The following PRDM16 variants were observed in gnomAD, a reference collection of about 807,000 sequenced individuals.
The protein encoded by PRDM16 is histone-lysine N-methyltransferase PRDM16.
In PRDM16, 23 loss-of-function variants were observed where a neutral mutation model predicts 110.6. The ratio of observed to expected loss-of-function variants is 0.21; its 90% CI spans 0.15 to 0.29. The LOEUF is 0.29. PRDM16 is among the 10% of genes least tolerant of loss of function. PRDM16 has a pLI of 1.00. For synonymous variants in PRDM16, 799 were observed against 781.8 expected, an observed-to-expected ratio of 1.02 and a Z score of -0.37; for missense variants, 1,615 against 1,794.3, an observed-to-expected ratio of 0.90 and a Z score of 1.81.
chr1:3,144,719 C>A (rs1875449), intron 1 of PRDM16, among the ~76,000 whole-genome samples: 54,631 of 152,206 alleles, frequency 0.36, 10,504 homozygotes, highest in East Asian at 0.44. Flanking sequence ...CCCAGCCGCC[C>A]AGCTCAGCCC....
intron 3 of PRDM16, among the ~76,000 whole-genome samples, chr1:3,330,215 C>T (rs945794551): frequency 6.6e-6 from 1 of 152,238 alleles, no homozygotes; most frequent in African/African-American, 2.4e-5. Flanking sequence ...GGGAATGAGG[C>T]TGGGTGGGCC....
intron 1 of PRDM16, among the ~76,000 whole-genome samples, chr1:3,141,920 G>C (rs942917165): frequency 6.6e-6 from 1 of 152,246 alleles, no homozygotes; most frequent in African/African-American, 2.4e-5. Flanking sequence ...CACGGTAGGG[G>C]ATTTTTACCT....
At position 3,390,580 on chromosome 1, in the gene PRDM16, C is replaced by T. The variant is rs543623368; in HGVS notation, c.573+5294C>T. ...GGCATTGTGTTAGAAGAGTGGCCGC[C>T]GGTGGCCAGGCAGCACCGCGTGGAC... On this transcript the variant is annotated intron_variant, in intron 4 of 16. Transcript: ENST00000270722. This position sits in a 1 kb window ranked among gnomAD's most constrained non-coding sequence, Gnocchi z 5.0. 1.3e-5 allele frequency among the ~76,000 whole-genome samples: 2 copies of T among 152,246 alleles called. No homozygotes were observed. The highest frequency in any genetic ancestry group is 6.5e-5 in the Admixed American group (1 of 15,306).
At chr1:3,389,654 A>G (rs1421429125) in intron 4 of PRDM16, among the ~76,000 whole-genome samples, 1 of 152,172 alleles carries the variant, frequency 6.6e-6, no homozygotes, top group Non-Finnish European at 1.5e-5. Flanking sequence ...TATTTGCACA[A>G]GGAGGCCCCA....
intron 1 of PRDM16, among the ~76,000 whole-genome samples, chr1:3,173,412 G>A (rs3795268): frequency 0.39 from 58,869 of 152,168 alleles, 13,761 homozygotes; most frequent in Non-Finnish European, 0.53. Context: ...TGCTGTCCCC[G>A]GAGCATTGCA....
chr1:3,075,950 G>A (rs185575393), intron 1 of PRDM16, among the ~76,000 whole-genome samples: 37 of 152,332 alleles, frequency 2.4e-4, no homozygotes, highest in Non-Finnish European at 3.4e-4. Context: ...TCCTGGGGGA[G>A]GAGGAGTCAC....
At chr1:3,111,272 C>T (rs943117123) in intron 1 of PRDM16, among the ~76,000 whole-genome samples, 2 of 152,040 alleles carry the variant, frequency 1.3e-5, no homozygotes, top group African/African-American at 4.8e-5. Context: ...TCCTCGGCCA[C>T]GGCCTTAGTG....
At chr1:3,356,216 C>T (rs550360602) in intron 3 of PRDM16, among the ~76,000 whole-genome samples, 3 of 152,238 alleles carry the variant, frequency 2.0e-5, no homozygotes, top group Non-Finnish European at 2.9e-5. Context: ...ACGCAGGGGG[C>T]TTGAGCAGGC....
rs1443350668 is a variant in PRDM16 at position 3,272,148 on chromosome 1, G to A, written c.438+28011G>A. 2.6e-5 allele frequency among the ~76,000 whole-genome samples: 4 copies of A among 152,332 alleles called. No homozygotes were observed. In the East Asian group the frequency reaches 5.8e-4, roughly 22 times the overall value. Reference sequence around the variant, plus strand: ...TCAAACCCCAGGGAATCTGGCTCACGGTTTCCTCCAGGGCGAATTGGCAAG... The same window carrying A: ...TCAAACCCCAGGGAATCTGGCTCACAGTTTCCTCCAGGGCGAATTGGCAAG... On this transcript the variant is annotated intron_variant, in intron 3 of 16. Coordinates refer to ENST00000270722, the MANE Select transcript of PRDM16 (RefSeq NM_022114.4).
intron 1 of PRDM16, among the ~76,000 whole-genome samples, chr1:3,075,172 C>T (rs961381665): frequency 2.0e-5 from 3 of 152,226 alleles, no homozygotes; most frequent in African/African-American, 4.8e-5. Flanking sequence ...GCTGGCCGCT[C>T]CAAGATCATA....
Position 3,265,660 on chromosome 1 carries a change from C to T in PRDM16, c.438+21523C>T, listed in dbSNP as rs1557567298. Among the ~76,000 whole-genome samples, 1 of 152,026 alleles carries T rather than the reference C, an allele frequency of 6.6e-6. No homozygotes were observed. On this transcript the variant is annotated intron_variant, in intron 3 of 16. Coordinates refer to ENST00000270722, the MANE Select transcript of PRDM16 (RefSeq NM_022114.4). The surrounding 1 kb of genome is among the most constrained non-coding windows in gnomAD (Gnocchi z 4.5). The stretch of plus-strand genomic sequence containing the variant: ...TCCTAAAATTGCAGCCAAGGCCAGC[C>T]CTCTTGCCCCGGGGCTGCCTGGGTT...
At chr1:3,279,487 C>T (rs1189945350) in intron 3 of PRDM16, among the ~76,000 whole-genome samples, 3 of 152,272 alleles carry the variant, frequency 2.0e-5, no homozygotes, top group South Asian at 2.1e-4. Context: ...ACGCCCTGCA[C>T]GCCTGCCCCT....
At chr1:3,306,183 G>A (rs761991486) in intron 3 of PRDM16, among the ~76,000 whole-genome samples, 2 of 152,216 alleles carry the variant, frequency 1.3e-5, no homozygotes, top group Non-Finnish European at 2.9e-5. Context: ...CACATGTCCT[G>A]ACAGCAAAGA....
In PRDM16 at chr1:3,348,757, G is replaced by A. The variant is rs950128570; in HGVS notation, c.439-36395G>A. On this transcript the variant is annotated intron_variant, in intron 3 of 16. Transcript: ENST00000270722. ...CTCCCCTCTGCCCTTGGGGACCGGG[G>A]CCGCAGTGAGCCTGGGGTGGGGGCC... Among the ~76,000 whole-genome samples the A allele has an allele frequency of 3.3e-5, 5 of 152,234 alleles. No homozygotes were observed. The East Asian group carries it at 5.8e-4, about 18-fold the overall frequency.
intron 2 of PRDM16, among the ~76,000 whole-genome samples, chr1:3,230,667 C>T (rs1317934473): frequency 7.2e-5 from 11 of 152,344 alleles, no homozygotes; most frequent in South Asian, 6.2e-4. Flanking sequence ...AAGGCAGCTC[C>T]GACGCGGCCC....
In PRDM16 at chr1:3,122,495, C is replaced by T. The variant is rs2100664812; in HGVS notation, c.37+53199C>T. Among the ~76,000 whole-genome samples, 3 of 152,288 alleles carry T rather than the reference C, an allele frequency of 2.0e-5. No individual in the cohort carries two copies. In the South Asian group the frequency reaches 6.2e-4, roughly 32 times the overall value. On this transcript the variant is annotated intron_variant, in intron 1 of 16. Transcript: ENST00000270722. ...AGCAAATGGACCCCTTGAAGGTGGC[C>T]GGCCTCCCCTGGGGCCCACCTGGGG...
chr1:3,356,897 C>T (rs563620916), intron 3 of PRDM16, among the ~76,000 whole-genome samples: 4 of 152,274 alleles, frequency 2.6e-5, no homozygotes, highest in Non-Finnish European at 4.4e-5. Flanking sequence ...CCCCGGATCC[C>T]GGCAGCGGGA....
intron 3 of PRDM16, among the ~76,000 whole-genome samples, chr1:3,313,628 G>T (rs1000011215): frequency 2.6e-5 from 4 of 152,220 alleles, no homozygotes; most frequent in African/African-American, 7.2e-5. Flanking sequence ...CTGCGAGGCC[G>T]TGCGGACCCC....
chr1:3,349,298 G>C (rs1343687806), intron 3 of PRDM16, among the ~76,000 whole-genome samples: 1 of 152,176 alleles, frequency 6.6e-6, no homozygotes, highest in Non-Finnish European at 1.5e-5. Flanking sequence ...AGGTGTGGAC[G>C]GGGCCGCACC....
Sources: gnomAD v4.1 joint callset for allele counts (sites outside exome capture counted in the v4.1 genomes callset) on GRCh38, gnomAD v4.1.1 for gene constraint, Gnocchi (gnomAD v3.1) non-coding constraint, MANE v1.5 for transcripts, NCBI Gene and HGNC (gene_info 2026-07-23, HGNC 2026-07-21) for gene names.